The following RBM19 variants were observed in gnomAD, a reference collection of about 807,000 sequenced individuals.
RBM19 encodes RNA binding motif protein 19.
RBM19 carries 94 observed loss-of-function variants against 116.8 expected under a neutral mutation model. The observed-to-expected ratio is 0.80, with a 90% confidence interval of 0.68 to 0.95. The LOEUF (loss-of-function observed/expected upper bound fraction) is 0.95, where lower values mean the gene tolerates loss of function less well. RBM19 is among the 40% of genes least tolerant of loss of function. RBM19 has a pLI of 0.00. For synonymous variants in RBM19, 475 were observed against 494.1 expected, an observed-to-expected ratio of 0.96 and a Z score of 0.51; for missense variants, 1,161 against 1,220.7, an observed-to-expected ratio of 0.95 and a Z score of 0.73.
rs58042735 is a variant in RBM19, at chr12:113,918,279, A to C, written c.2441+113T>G. 17,639 of 1,025,616 alleles carry C rather than the reference A, an allele frequency of 0.017. 1,963 individuals carry two copies. The African/African-American group carries it at 0.25, about 14-fold the overall frequency. The allele number at this position is 1,025,616 out of a possible 1,614,324, so 63.5% of individuals were successfully genotyped here. On this transcript the variant is annotated intron_variant, in intron 20 of 23. Transcript: ENST00000261741. ...AATTAGGAAGAGTCCTAAATGGTAA[A>C]GGGATAGGTGGAAAGGACATTGAAG...
intron 20 of RBM19, 88 bp downstream of exon 20, chr12:113,918,303 AG>A (rs1251391340): frequency 8.1e-7 from 1 of 1,235,530 alleles, no homozygotes; most frequent in African/African-American, 1.5e-5. Flanking sequence ...AGGACATTGA[AG>A]GGTTGTGAGA....
At chr12:113,852,912 C>T (rs901289349) in intron 22 of RBM19, among the ~76,000 whole-genome samples, 8 of 152,212 alleles carry the variant, frequency 5.3e-5, no homozygotes, top group Non-Finnish European at 8.8e-5. Flanking sequence ...AATCTAATAG[C>T]GATGGTTTAC....
chr12:113,925,616 C>CG (rs1868997653), intron 17 of RBM19, among the ~76,000 whole-genome samples: 1 of 152,178 alleles, frequency 6.6e-6, no homozygotes, highest in South Asian at 2.1e-4. Context: ...CTGGGAACTA[C>CG]GGGCTCTTCC....
chr12:113,901,760 C>T (rs957956221), intron 21 of RBM19, among the ~76,000 whole-genome samples: 1 of 152,050 alleles, frequency 6.6e-6, no homozygotes, highest in African/African-American at 2.4e-5. Flanking sequence ...GGTGATCCAC[C>T]TGCCTCAGCT....
intron 21 of RBM19, among the ~76,000 whole-genome samples, chr12:113,894,610 T>G (rs1487047267): frequency 6.6e-6 from 1 of 152,222 alleles, no homozygotes; most frequent in Admixed American, 6.5e-5. Context: ...TAATTTTCTT[T>G]CAACTGACAT....
At chr12:113,926,151 G>GCC (rs1869046657) in intron 17 of RBM19, among the ~76,000 whole-genome samples, 1 of 152,058 alleles carries the variant, frequency 6.6e-6, no homozygotes, top group Non-Finnish European at 1.5e-5. Context: ...CTGACCCTCT[G>GCC]CCTCTCTACC....
At chr12:113,830,149 G>T (rs975151250) in intron 23 of RBM19, among the ~76,000 whole-genome samples, 31 of 152,198 alleles carry the variant, frequency 2.0e-4, no homozygotes, top group African/African-American at 7.5e-4. Flanking sequence ...CGCAGAGGGG[G>T]ACACTAGCCC....
rs79534238 is a variant in RBM19, at chr12:113,877,297, C to CGG, written c.2559-18403_2559-18402dup. Among the ~76,000 whole-genome samples the CGG allele has an allele frequency of 7.9e-5, 12 of 152,210 alleles. No individual in the cohort carries two copies. The East Asian group carries it at 9.7e-4, about 12-fold the overall frequency. On this transcript the variant is annotated intron_variant, in intron 21 of 23. Transcript: ENST00000261741. ...AGGAACTTTTACTGACAGTACATTG[C>CGG]GGGGGGGTCCCGTTACCACAGAAGA... is the stretch of plus-strand genomic sequence containing the variant.
chr12:113,952,553 A>G lies in RBM19; in HGVS notation c.959T>C (p.Val320Ala). The G allele has an allele frequency of 5.0e-6, 8 of 1,614,060 alleles. No homozygotes were observed. Among genetic ancestry groups the G allele is most frequent in the Non-Finnish European group, 6.8e-6 (8 of 1,179,942 alleles). ...AGCGTTTCTCACAATTCGAATGGCC[A>G]CTGGTTTCAGGGGTGCCAGGAATTC... ...VMEFLAPLKP[V>A]AIRIVRNAHG... Residue 320 changes from valine to alanine, a missense_variant, in exon 8 of 24, where the codon GTG (valine) becomes GCG (alanine). Val to Ala is a moderately conservative substitution (Grantham distance 64). Transcript: ENST00000261741.
At chr12:113,965,929 T>C (rs1872829352) in intron 1 of RBM19, among the ~76,000 whole-genome samples, 1 of 152,070 alleles carries the variant, frequency 6.6e-6, no homozygotes, top group Admixed American at 6.5e-5. Flanking sequence ...CGCCACAAGG[T>C]GGGAGTTGTC....
intron 16 of RBM19, among the ~76,000 whole-genome samples, chr12:113,930,287 C>G (rs1159975747): frequency 1.3e-5 from 2 of 152,210 alleles, no homozygotes; most frequent in Admixed American, 1.3e-4. Context: ...CCCAGTCTCA[C>G]AAGGGTAATA....
intron 22 of RBM19, among the ~76,000 whole-genome samples, chr12:113,853,242 G>A (rs1877607135): frequency 6.6e-6 from 1 of 152,216 alleles, no homozygotes. Flanking sequence ...ATTAACTGGT[G>A]CGACCCTACA....
chr12:113,904,169 G>C (rs1881890604), intron 21 of RBM19, among the ~76,000 whole-genome samples: 1 of 152,174 alleles, frequency 6.6e-6, no homozygotes, highest in South Asian at 2.1e-4. Flanking sequence ...TCTGAGGGTA[G>C]GAGGTAGAGC....
intron 7 of RBM19, among the ~76,000 whole-genome samples, chr12:113,954,079 G>A (rs1482657085): frequency 6.6e-6 from 1 of 152,200 alleles, no homozygotes; most frequent in African/African-American, 2.4e-5. Flanking sequence ...GGAAGAGCAT[G>A]AGCATAAAAA....
intron 21 of RBM19, among the ~76,000 whole-genome samples, chr12:113,904,484 A>C (rs1881916978): frequency 6.6e-6 from 1 of 152,158 alleles, no homozygotes. Context: ...CGGGGGAATG[A>C]ATGAAATCCT....
rs1203112649 is a variant in RBM19 at position 113,884,115 on chromosome 12, A to AAAAAAAAAC, written c.2559-25220_2559-25219insGTTTTTTTT. Among the ~76,000 whole-genome samples the AAAAAAAAAC allele has an allele frequency of 4.2e-3, 619 of 146,394 alleles. 8 individuals are homozygous for AAAAAAAAAC. The highest frequency in any genetic ancestry group is 0.015 in the African/African-American group (584 of 39,872). On this transcript the variant is annotated intron_variant, in intron 21 of 23. Coordinates refer to ENST00000261741, the MANE Select transcript of RBM19 (RefSeq NM_016196.4). Reference sequence around the variant, plus strand: ...CATAGGGATACTCCATCTCTACCAAAAAAAAAAAAAAACAAAAAACTCGCC... The same window carrying AAAAAAAAAC: ...CATAGGGATACTCCATCTCTACCAAAAAAAAAAACAAAAAAAAAAAACAAAAAACTCGCC...
In RBM19 at chr12:113,966,212, C is replaced by G. The variant is rs767432156; in HGVS notation, c.16G>C (p.Val6Leu). 3.1e-6 allele frequency: 5 copies of G among 1,614,136 alleles called. No homozygotes were observed. In the African/African-American group the frequency reaches 5.3e-5, roughly 17 times the overall value. Residue 6 changes from valine to leucine, a missense_variant, in exon 1 of 24, where the codon GTG becomes CTG. Transcript: ENST00000261741. MSRLI[V>L]KNLPNGMKEE... ...CTCACCCCATTCGGGAGATTCTTCACGATCAGTCGCGACATGGCGCAGGGT... is the reference window on the plus strand; with the variant it reads ...CTCACCCCATTCGGGAGATTCTTCAGGATCAGTCGCGACATGGCGCAGGGT...
intron 23 of RBM19, among the ~76,000 whole-genome samples, chr12:113,829,364 G>A (rs1290750659): frequency 1.3e-5 from 2 of 152,170 alleles, no homozygotes; most frequent in African/African-American, 2.4e-5. Flanking sequence ...GGGTGGGCAG[G>A]AGCCTGGGCC....
chr12:113,958,369 T>C (rs531281377), intron 5 of RBM19, among the ~76,000 whole-genome samples: 105 of 152,332 alleles, frequency 6.9e-4, no homozygotes, highest in African/African-American at 2.4e-3. Context: ...CTCTGCTTAA[T>C]ACCCTCCAGG....
Sources: gnomAD v4.1 joint callset for allele counts (sites outside exome capture counted in the v4.1 genomes callset) on GRCh38, gnomAD v4.1.1 for gene constraint, MANE v1.5 for transcripts, NCBI Gene and HGNC (gene_info 2026-07-23, HGNC 2026-07-21) for gene names.